The following PKD1L1 variants were observed in gnomAD, a reference collection of about 807,000 sequenced individuals.
PKD1L1 encodes polycystin-1-like protein 1.
Under a neutral mutation model 323.4 loss-of-function variants are expected in PKD1L1, and 236 were observed. The ratio of observed to expected loss-of-function variants is 0.73; its 90% CI spans 0.66 to 0.81. The LOEUF (loss-of-function observed/expected upper bound fraction) is 0.81, where lower values mean the gene tolerates loss of function less well. Ranked by LOEUF, PKD1L1 falls within the 40% of genes least tolerant of loss-of-function variation. The pLI is 0.00. For synonymous variants in PKD1L1, 1,344 were observed against 1,335.0 expected, an observed-to-expected ratio of 1.01 and a Z score of -0.15; for missense variants, 3,320 against 3,508.0, an observed-to-expected ratio of 0.95 and a Z score of 1.35.
intron 43 of PKD1L1, 34 bp from the exon 44 acceptor site, chr7:47,829,635 C>A: frequency 1.3e-6 from 2 of 1,569,742 alleles, no homozygotes; most frequent in Non-Finnish European, 1.7e-6. Context: ...CAGAGAGCCG[C>A]CCTATGTCTG....
rs868441961 is a variant in PKD1L1, at chr7:47,804,329, T to C, written c.7828-985A>G. ...TATGGGTAGAATTTTCTAGTAGCCATGTTTTAAAAAGTATAATTAAACAGA... is the reference window on the plus strand; with the variant it reads ...TATGGGTAGAATTTTCTAGTAGCCACGTTTTAAAAAGTATAATTAAACAGA... On this transcript the variant is annotated intron_variant, in intron 52 of 56. Coordinates refer to ENST00000289672, the MANE Select transcript of PKD1L1 (RefSeq NM_138295.5). Among the ~76,000 whole-genome samples the C allele has an allele frequency of 8.6e-4, 131 of 152,354 alleles. 1 individual carries two copies. The highest frequency in any genetic ancestry group is 6.8e-3 in the Middle Eastern group (2 of 294).
rs368362160 is a variant in PKD1L1, at chr7:47,840,270, G to A, written c.5552+191C>T. ...CCCACCCTCCTTCCTTCCTTGCCTC[G>A]CATAAACCTATTGTTTAATCTACTC... is the stretch of plus-strand genomic sequence containing the variant. On this transcript the variant is annotated intron_variant, in intron 35 of 56. Coordinates refer to ENST00000289672, the MANE Select transcript of PKD1L1 (RefSeq NM_138295.5). This position sits in a 1 kb window ranked among gnomAD's most constrained non-coding sequence, Gnocchi z 4.1. Among the ~76,000 whole-genome samples, 92 of 152,092 alleles carry A rather than the reference G, an allele frequency of 6.0e-4. No individual in the cohort carries two copies. The highest frequency in any genetic ancestry group is 3.4e-3 in the Middle Eastern group (1 of 294).
chr7:47,793,142 T>C (rs191450790), intron 55 of PKD1L1, among the ~76,000 whole-genome samples: 1 of 152,170 alleles, frequency 6.6e-6, no homozygotes, highest in East Asian at 1.9e-4. Flanking sequence ...AATAAATCTT[T>C]ATTGAGCACT....
intron 51 of PKD1L1, chr7:47,809,211 G>A (rs112916299): frequency 1.1e-4 from 32 of 289,926 alleles, no homozygotes; most frequent in African/African-American, 6.9e-4. Context: ...GATGTCATTA[G>A]GTGACAGAAA....
At chr7:47,922,597 G>T (rs1353509463) in intron 7 of PKD1L1, among the ~76,000 whole-genome samples, 1 of 151,588 alleles carries the variant, frequency 6.6e-6, no homozygotes, top group Admixed American at 6.6e-5. Flanking sequence ...TCTCTACCCC[G>T]CCGCCACCCC....
chr7:47,918,024 T>C (rs1296049113), intron 7 of PKD1L1, among the ~76,000 whole-genome samples: 3 of 152,108 alleles, frequency 2.0e-5, no homozygotes, highest in Non-Finnish European at 4.4e-5. Flanking sequence ...AATGCTCCAC[T>C]TAAAGGATAC....
chr7:47,813,376 A>T (rs1191327885), intron 48 of PKD1L1, 83 bp from the exon 49 acceptor site: 4 of 1,424,196 alleles, frequency 2.8e-6, no homozygotes, highest in Non-Finnish European at 3.9e-6. Context: ...GCCTGGCCAC[A>T]TGTGAACACC....
intron 24 of PKD1L1, 71 bp downstream of exon 24, chr7:47,873,828 T>C: frequency 5.8e-6 from 7 of 1,208,322 alleles, no homozygotes; most frequent in Non-Finnish European, 5.9e-6. Context: ...TGTTAACAAC[T>C]TGGGGGAGAG....
At chr7:47,834,001 C>T (rs890398118) in intron 40 of PKD1L1, among the ~76,000 whole-genome samples, 3 of 152,218 alleles carry the variant, frequency 2.0e-5, no homozygotes, top group South Asian at 4.1e-4. Context: ...GTCTCTCCCA[C>T]GGTCCTGCCG....
At chr7:47,830,889 A>G (rs1785335321) in intron 42 of PKD1L1, among the ~76,000 whole-genome samples, 2 of 152,192 alleles carry the variant, frequency 1.3e-5, no homozygotes, top group East Asian at 1.9e-4. Context: ...TTCTAGCCAG[A>G]GTTCCTGGCT....
At chr7:47,932,446 G>A (rs1389618187) in intron 4 of PKD1L1, among the ~76,000 whole-genome samples, 1 of 152,240 alleles carries the variant, frequency 6.6e-6, no homozygotes, top group African/African-American at 2.4e-5. Context: ...GGGCACCGCG[G>A]AAGGCCTGGT....
intron 8 of PKD1L1, among the ~76,000 whole-genome samples, chr7:47,912,365 G>A (rs1787339372): frequency 6.6e-6 from 1 of 152,146 alleles, no homozygotes; most frequent in South Asian, 2.1e-4. Flanking sequence ...AAAGAAAGCT[G>A]ACATATTGGA....
chr7:47,922,996 C>T (rs1213987870), intron 7 of PKD1L1, among the ~76,000 whole-genome samples: 2 of 152,210 alleles, frequency 1.3e-5, no homozygotes, highest in Admixed American at 1.3e-4. Flanking sequence ...AAGAAAAATT[C>T]TTCTGCCTTG....
intron 21 of PKD1L1, among the ~76,000 whole-genome samples, chr7:47,879,289 T>A (rs1786476910): frequency 6.6e-6 from 1 of 152,162 alleles, no homozygotes; most frequent in East Asian, 1.9e-4. Flanking sequence ...CTGATAGGTT[T>A]TAATTAATGC....
intron 31 of PKD1L1, among the ~76,000 whole-genome samples, chr7:47,847,836 T>C (rs1254850861): frequency 2.0e-5 from 3 of 152,140 alleles, no homozygotes; most frequent in Admixed American, 2.0e-4. Context: ...TTTTGAACGA[T>C]GGTTCAAAAT....
At chr7:47,953,638 C>T in the PKD1L1 span, among the ~76,000 whole-genome samples, 1 of 152,326 alleles carries the variant, frequency 6.6e-6, no homozygotes, top group East Asian at 1.9e-4. Context: ...CTAAGAATCA[C>T]ACTGGGCATT....
chr7:47,825,785 A>G (rs1390561538), intron 45 of PKD1L1, among the ~76,000 whole-genome samples: 1 of 152,040 alleles, frequency 6.6e-6, no homozygotes, highest in Non-Finnish European at 1.5e-5. Context: ...TGTTGTATTT[A>G]TTATTTGCTT....
At chr7:47,958,196 G>A in the PKD1L1 span, among the ~76,000 whole-genome samples, 601 of 152,150 alleles carry the variant, frequency 4.0e-3, 7 homozygotes, top group Non-Finnish European at 2.9e-3. Flanking sequence ...TTCAAAATAT[G>A]CCATAAAACT....
intron 30 of PKD1L1, among the ~76,000 whole-genome samples, chr7:47,854,496 T>C (rs1160319431): frequency 6.6e-6 from 1 of 152,114 alleles, no homozygotes; most frequent in Non-Finnish European, 1.5e-5. Flanking sequence ...TCTCATGAAC[T>C]CAACATTCCT....
Sources: allele counts gnomAD v4.1 joint callset (sites outside exome capture counted in the v4.1 genomes callset), GRCh38; gene constraint gnomAD v4.1.1; non-coding constraint Gnocchi (gnomAD v3.1); transcripts MANE v1.5; gene names NCBI Gene and HGNC (gene_info 2026-07-23, HGNC 2026-07-21).